Variants in FGD2 observed in about 807,000 individuals in gnomAD.
FGD2 encodes the protein FYVE, RhoGEF and PH domain containing 2, also known as FYVE, RhoGEF and PH domain-containing protein 2.
FGD2 carries 52 observed loss-of-function variants against 75.9 expected under a neutral mutation model. The ratio of observed to expected loss-of-function variants is 0.69; its 90% CI spans 0.55 to 0.86. The LOEUF is 0.86. Among genes scored for constraint, FGD2 ranks in the 40% least tolerant of loss-of-function variants. The pLI, the probability that FGD2 is intolerant of heterozygous loss-of-function variation, is 0.00. For synonymous variants in FGD2, 347 were observed against 348.6 expected (o/e 1.00, Z 0.05); for missense variants, 790 against 872.0 (o/e 0.91, Z 1.18).
In FGD2 at chr6:37,027,560, C is replaced by A. The variant is rs754045121; in HGVS notation, c.1737C>A (p.Val579=). ...GGGATGACCCCCTCGTGCTCTATGT[C>A]TATGCTGCCCCTCAGGTAAGGCCAC... ...IPRDDPLVLY[V]YAAPQDMRAH... The change falls in exon 15 of 16, where the codon GTC becomes GTA. Residue 579 remains valine, a synonymous_variant. Coordinates refer to ENST00000274963, the MANE Select transcript of FGD2 (RefSeq NM_173558.4). The A allele has an allele frequency of 5.0e-6, 8 of 1,614,132 alleles. No individual in the cohort carries two copies. The highest frequency in any genetic ancestry group is 6.8e-6 in the Non-Finnish European group (8 of 1,180,004).
chr6:37,015,845 T>A lies in FGD2; in HGVS notation c.1107T>A (p.Asp369Glu), dbSNP rs1448547534. The change falls in exon 9 of 16, where the codon GAT becomes GAA. Residue 369 changes from aspartate (D) to glutamate (E), a missense_variant. Physicochemically the swap from Asp to Glu is conservative, Grantham distance 45. Transcript: ENST00000274963. Reference sequence around the variant, plus strand: ...AGTTCCAGGTGAGGACCCGCATCGATGTGGCCGGGATGAAGGTAAGAGGCC... The same window carrying A: ...AGTTCCAGGTGAGGACCCGCATCGAAGTGGCCGGGATGAAGGTAAGAGGCC... The part of the protein sequence containing the change: ...GAQFQVRTRI[D>E]VAGMKVRELM... 1.9e-6 allele frequency: 3 copies of A among 1,585,200 alleles called. No homozygotes were observed. The highest frequency in any genetic ancestry group is 2.6e-6 in the Non-Finnish European group (3 of 1,166,200).
At position 37,022,628 on chromosome 6, in the gene FGD2, C is replaced by T. The variant is rs867506222; in HGVS notation, c.1458+258C>T. ...CCACTTGATCCACCTAGGCCTCCACCTGCCCCACCTTGGCCTCTACCTGTC... is the reference window on the plus strand; with the variant it reads ...CCACTTGATCCACCTAGGCCTCCACTTGCCCCACCTTGGCCTCTACCTGTC... On this transcript the variant is annotated intron_variant, in intron 13 of 15. Transcript: ENST00000274963. 5.3e-4 allele frequency: 231 copies of T among 434,800 alleles called. 1 individual carries two copies. The Middle Eastern group carries it at 7.7e-3, about 15-fold the overall frequency. The allele number at this position is 434,800 out of a possible 1,614,324, so 26.9% of individuals were successfully genotyped here. A position where few individuals can be genotyped will look rare whatever the true frequency, so the allele number is the denominator to read the frequency against.
rs1226395888 is a variant in FGD2 at position 37,015,855 on chromosome 6, A to G, written c.1117A>G (p.Met373Val). 5.7e-6 allele frequency: 9 copies of G among 1,578,324 alleles called. No homozygotes were observed. The highest frequency in any genetic ancestry group is 2.3e-5 in the East Asian group (1 of 43,582). ...QVRTRIDVAGMKVRELMDAEF... is the reference protein window; with the variant it reads ...QVRTRIDVAGVKVRELMDAEF... ...GAGGACCCGCATCGATGTGGCCGGGATGAAGGTAAGAGGCCCCCTAAACAC... is the reference window on the plus strand; with the variant it reads ...GAGGACCCGCATCGATGTGGCCGGGGTGAAGGTAAGAGGCCCCCTAAACAC... Residue 373 changes from methionine to valine, a missense_variant, in exon 9 of 16, where the codon ATG (methionine) becomes GTG (valine). Physicochemically the swap from Met to Val is conservative, Grantham distance 21 (BLOSUM62 1). Transcript: ENST00000274963.
At chr6:37,006,993 G>C (rs1252129611) in intron 1 of FGD2, among the ~76,000 whole-genome samples, 1 of 152,152 alleles carries the variant, frequency 6.6e-6, no homozygotes, top group Non-Finnish European at 1.5e-5. Flanking sequence ...TCCAGAGAGT[G>C]ATTCCCAGAG....
At chr6:37,008,568 T>A (rs1764852441) in intron 1 of FGD2, among the ~76,000 whole-genome samples, 1 of 152,224 alleles carries the variant, frequency 6.6e-6, no homozygotes, top group African/African-American at 2.4e-5. Context: ...CTGGACACTG[T>A]GGCTTCATTT....
At chr6:37,015,157 TTC>T (rs1341245086) in intron 8 of FGD2, 119 bp downstream of exon 8, 1 of 1,352,900 alleles carries the variant, frequency 7.4e-7, no homozygotes, top group Non-Finnish European at 9.8e-7. Context: ...AAGAGAACGC[TTC>T]TCTGTCTTTT....
In FGD2 at chr6:37,027,415, CCTT is replaced by C; in HGVS notation, c.1606-11_1606-9del. 3.1e-6 allele frequency: 5 copies of C among 1,597,482 alleles called. No individual in the cohort carries two copies. Among genetic ancestry groups the C allele is most frequent in the Non-Finnish European group, 4.3e-6 (5 of 1,169,048 alleles). On this transcript the variant is annotated splice_polypyrimidine_tract_variant and intron_variant, in intron 14 of 15. Coordinates refer to ENST00000274963, the MANE Select transcript of FGD2 (RefSeq NM_173558.4). Reference sequence around the variant, plus strand: ...GCTGCTCTGCTCCCTGACAGTCCCTCCTTCTGGTTTTAGAAAGGGTCCTCAGCC... The same window carrying C: ...GCTGCTCTGCTCCCTGACAGTCCCTCCTGGTTTTAGAAAGGGTCCTCAGCC...
chr6:37,006,954 A>G (rs1455525450), intron 1 of FGD2, among the ~76,000 whole-genome samples: 1 of 152,120 alleles, frequency 6.6e-6, no homozygotes, highest in Non-Finnish European at 1.5e-5. Context: ...TGGACTGGAC[A>G]AGAGACTCTG....
Position 37,028,164 on chromosome 6 carries a change from G to C in FGD2, c.*1G>C. On this transcript the variant is annotated 3_prime_UTR_variant, in exon 16 of 16. Transcript: ENST00000274963. The stretch of plus-strand genomic sequence containing the variant: ...CAACGATGGGGACCTGTCCGACTGA[G>C]CCACTGCCAGCCGCTCTCCTGCCCA... The C allele has an allele frequency of 6.4e-7, 1 of 1,555,976 alleles. No individual in the cohort carries two copies. Among genetic ancestry groups the C allele is most frequent in the Non-Finnish European group, 8.7e-7 (1 of 1,149,950 alleles).
In FGD2 at chr6:37,011,641, C is replaced by T. The variant is rs142985798; in HGVS notation, c.379-65C>T. ...CAGTAGGCTTGGTGGGACCCTAGTT[C>T]CCCCGGGCTGATGTGTGGGTGGCTC... is the stretch of plus-strand genomic sequence containing the variant. On this transcript the variant is annotated intron_variant, in intron 3 of 15. Transcript: ENST00000274963. 7.1e-4 allele frequency: 1,141 copies of T among 1,604,248 alleles called. 8 individuals are homozygous for T. In the African/African-American group the frequency reaches 0.013, roughly 18 times the overall value.
Position 37,027,317 on chromosome 6 carries a change from C to T in FGD2, c.1606-112C>T, listed in dbSNP as rs1044066646. ...CTCTGAGCCTCAAGGACCAAGGACC[C>T]CTCCATTCAGTACTGCTGTAAGGAT... On this transcript the variant is annotated intron_variant, in intron 14 of 15. Transcript: ENST00000274963. 4.8e-6 allele frequency: 6 copies of T among 1,261,876 alleles called. No homozygotes were observed. The Admixed American group carries it at 7.0e-5, about 15-fold the overall frequency. The allele number at this position is 1,261,876 out of a possible 1,614,324, so 78.2% of individuals were successfully genotyped here.
chr6:37,006,945 G>T (rs1194244188), intron 1 of FGD2, among the ~76,000 whole-genome samples: 1 of 152,124 alleles, frequency 6.6e-6, no homozygotes, highest in Non-Finnish European at 1.5e-5. Flanking sequence ...ATCTCCATGT[G>T]GACTGGACAA....
In FGD2 at chr6:37,014,949, G is replaced by A. The variant is rs1765209584; in HGVS notation, c.940G>A (p.Val314Ile). ...YQRLGLEDDI[V>I]DPSNTLLREG... ...GCGCCTGGGCCTCGAGGACGACATAGTAGACCCCTCTAACACCCTGCTCCG... is the reference window on the plus strand; with the variant it reads ...GCGCCTGGGCCTCGAGGACGACATAATAGACCCCTCTAACACCCTGCTCCG... Residue 314 changes from valine (V) to isoleucine (I), a missense_variant, in exon 8 of 16, where the codon GTA (valine) becomes ATA (isoleucine). Transcript: ENST00000274963. 6.2e-7 allele frequency: 1 copy of A among 1,614,162 alleles called. No individual in the cohort carries two copies. Among genetic ancestry groups the A allele is most frequent in the Non-Finnish European group, 8.5e-7 (1 of 1,180,016 alleles).
intron 13 of FGD2, 22 bp downstream of exon 13, chr6:37,022,392 C>G: frequency 1.9e-6 from 3 of 1,546,082 alleles, no homozygotes; most frequent in East Asian, 4.9e-5. Context: ...TGCCAGCACT[C>G]CTGCCTCCAC....
chr6:37,021,539 G>C lies in FGD2; in HGVS notation c.1261G>C (p.Glu421Gln). ...CTTCCAAGCAGCCATTGACCAAATCGAGAAGCGGAATGAAACCTTCAAGGC... is the reference window on the plus strand; with the variant it reads ...CTTCCAAGCAGCCATTGACCAAATCCAGAAGCGGAATGAAACCTTCAAGGC... ...QAFQAAIDQI[E>Q]KRNETFKAAA... The change falls in exon 12 of 16, where the codon GAG becomes CAG. Residue 421 changes from glutamate to glutamine, a missense_variant. Transcript: ENST00000274963. 4 of 1,613,904 alleles carry C rather than the reference G, an allele frequency of 2.5e-6. No homozygotes were observed. Among genetic ancestry groups the C allele is most frequent in the Non-Finnish European group, 8.5e-7 (1 of 1,179,896 alleles).
At chr6:37,019,317 C>T (rs753643335) in intron 9 of FGD2, among the ~76,000 whole-genome samples, 2 of 152,168 alleles carry the variant, frequency 1.3e-5, no homozygotes, top group African/African-American at 2.4e-5. Flanking sequence ...TCCACATGAC[C>T]GCCTCCTCAT....
chr6:37,020,779 T>C (rs1341311348), intron 11 of FGD2, 40 bp downstream of exon 11: 2 of 1,550,678 alleles, frequency 1.3e-6, no homozygotes, highest in Non-Finnish European at 1.7e-6. Flanking sequence ...TCTTTTTCCT[T>C]TCTTTCTTTT....
Position 37,011,788 on chromosome 6 carries a change from T to C in FGD2, c.461T>C (p.Ile154Thr). ...EDVVRVIFSN[I>T]SSIYQFHSQF... ...GTGGTCAGGGTCATCTTCTCCAACA[T>C]CTCCTCCATCTATCAGTTCCATTCT... The change falls in exon 4 of 16, where the codon ATC becomes ACC. Residue 154 changes from isoleucine to threonine, a missense_variant. Ile to Thr is a moderately conservative substitution (Grantham distance 89). Coordinates refer to ENST00000274963, the MANE Select transcript of FGD2 (RefSeq NM_173558.4). The C allele has an allele frequency of 6.2e-7, 1 of 1,614,024 alleles. No individual in the cohort carries two copies. Among genetic ancestry groups the C allele is most frequent in the South Asian group, 1.1e-5 (1 of 91,064 alleles).
chr6:37,021,935 T>G (rs1312983708), intron 12 of FGD2: 1 of 489,808 alleles, frequency 2.0e-6, no homozygotes, highest in Non-Finnish European at 3.6e-6. Context: ...GTGAGTGAGG[T>G]GGGGGCTGGG....
Sources: allele counts gnomAD v4.1 joint callset (sites outside exome capture counted in the v4.1 genomes callset), GRCh38; gene constraint gnomAD v4.1.1; transcripts MANE v1.5; gene names NCBI Gene and HGNC (gene_info 2026-07-23, HGNC 2026-07-21).